NDST4: variants seen among roughly 807,000 people sequenced by gnomAD.
NDST4 encodes N-heparan sulfate sulfotransferase 4.
In NDST4, 63 loss-of-function variants were observed where a neutral mutation model predicts 100.8. That is an observed-to-expected ratio of 0.62 (90% CI 0.51 to 0.77). The LOEUF (loss-of-function observed/expected upper bound fraction) is 0.77. NDST4 is among the 30% of genes least tolerant of loss of function. The pLI, the probability that NDST4 is intolerant of heterozygous loss-of-function variation, is 0.00. For synonymous variants in NDST4, 377 were observed against 361.8 expected, an observed-to-expected ratio of 1.04 and a Z score of -0.48; for missense variants, 943 against 1,018.4, an observed-to-expected ratio of 0.93 and a Z score of 1.01.
intron 6 of NDST4, among the ~76,000 whole-genome samples, chr4:114,890,077 A>T (rs1055035049): frequency 5.3e-5 from 8 of 152,104 alleles, no homozygotes; most frequent in Non-Finnish European, 1.0e-4. Context: ...AGGTATTTTC[A>T]TTATTTTAAT....
At chr4:115,082,238 T>G (rs960729183) in intron 1 of NDST4, among the ~76,000 whole-genome samples, 1 of 152,212 alleles carries the variant, frequency 6.6e-6, no homozygotes, top group South Asian at 2.1e-4. Flanking sequence ...GAAAATATTA[T>G]ATGATGATAT....
At chr4:114,980,661 T>C (rs1726746801) in intron 2 of NDST4, among the ~76,000 whole-genome samples, 1 of 149,732 alleles carries the variant, frequency 6.7e-6, no homozygotes, top group African/African-American at 2.5e-5. Context: ...AATAAAGAAA[T>C]AAATAAAATA....
intron 1 of NDST4, among the ~76,000 whole-genome samples, chr4:115,078,832 T>C (rs1729243557): frequency 6.6e-6 from 1 of 151,586 alleles, no homozygotes; most frequent in Admixed American, 6.6e-5. Context: ...AGAGCAAAAC[T>C]CTCTTCCGCC....
chr4:114,906,861 T>G (rs890273367), intron 6 of NDST4, among the ~76,000 whole-genome samples: 1 of 152,082 alleles, frequency 6.6e-6, no homozygotes, highest in African/African-American at 2.4e-5. Flanking sequence ...TTTTTCACAA[T>G]TAAGCCTGTT....
intron 6 of NDST4, among the ~76,000 whole-genome samples, chr4:114,879,391 T>C (rs889070157): frequency 1.3e-5 from 2 of 152,122 alleles, no homozygotes; most frequent in East Asian, 1.9e-4. Flanking sequence ...ATTAGTAGAT[T>C]TGAGAAGCAG....
intron 6 of NDST4, among the ~76,000 whole-genome samples, chr4:114,902,987 G>T (rs1724877833): frequency 1.3e-5 from 2 of 151,902 alleles, no homozygotes; most frequent in South Asian, 2.1e-4. Flanking sequence ...ATATGTTCTT[G>T]CTTGCTGCCT....
intron 4 of NDST4, among the ~76,000 whole-genome samples, chr4:114,947,728 G>T (rs1395920153): frequency 1.3e-5 from 2 of 149,808 alleles, no homozygotes; most frequent in East Asian, 3.9e-4. Context: ...TTCACATTAT[G>T]ATTTTCTATA....
chr4:114,963,307 T>C (rs1292564870), intron 4 of NDST4, among the ~76,000 whole-genome samples: 1 of 152,144 alleles, frequency 6.6e-6, no homozygotes, highest in African/African-American at 2.4e-5. Flanking sequence ...AAAAACATTA[T>C]GCTAAGTGAA....
intron 1 of NDST4, among the ~76,000 whole-genome samples, chr4:115,094,416 C>T (rs1004313293): frequency 2.6e-5 from 4 of 151,886 alleles, no homozygotes; most frequent in Non-Finnish European, 4.4e-5. Flanking sequence ...ATAAGACTAA[C>T]ATAATGTTGA....
At chr4:114,885,951 C>A (rs1724468267) in intron 6 of NDST4, among the ~76,000 whole-genome samples, 1 of 151,868 alleles carries the variant, frequency 6.6e-6, no homozygotes, top group Admixed American at 6.6e-5. Context: ...CAGGTAAAGC[C>A]TATGAATTAA....
chr4:115,020,476 C>G (rs1347281480), intron 2 of NDST4, among the ~76,000 whole-genome samples: 1 of 152,054 alleles, frequency 6.6e-6, no homozygotes, highest in Non-Finnish European at 1.5e-5. Flanking sequence ...AGGAAAAACC[C>G]TTTTAGATAT....
intron 3 of NDST4, among the ~76,000 whole-genome samples, chr4:114,973,295 T>C (rs1726555420): frequency 6.6e-6 from 1 of 151,920 alleles, no homozygotes; most frequent in African/African-American, 2.4e-5. Flanking sequence ...ATACTTAAAG[T>C]ATATGTGGAA....
chr4:114,986,832 A>ATT lies in NDST4; in HGVS notation c.979-9560_979-9559dup, dbSNP rs58065684. On this transcript the variant is annotated intron_variant, in intron 2 of 13. Coordinates refer to ENST00000264363, the MANE Select transcript of NDST4 (RefSeq NM_022569.3). The stretch of plus-strand genomic sequence containing the variant: ...TATATATATATATATATATATATAT[A>ATT]TTTTAATATACTATTCCTATAAGCT... Among the ~76,000 whole-genome samples the ATT allele has an allele frequency of 1.0e-3, 97 of 94,652 alleles. 6 individuals are homozygous for ATT. The highest frequency in any genetic ancestry group is 8.1e-3 in the South Asian group (19 of 2,334). The allele number at this position is 94,652 out of a possible 152,430, so 62.1% of individuals were successfully genotyped here.
intron 2 of NDST4, among the ~76,000 whole-genome samples, chr4:115,002,072 T>C (rs901472553): frequency 6.6e-6 from 1 of 152,102 alleles, no homozygotes; most frequent in African/African-American, 2.4e-5. Context: ...AAAGGAGTAA[T>C]ATAAAATGGG....
intron 7 of NDST4, among the ~76,000 whole-genome samples, chr4:114,857,536 C>A (rs1251152185): frequency 6.6e-6 from 1 of 152,160 alleles, no homozygotes; most frequent in Non-Finnish European, 1.5e-5. Flanking sequence ...CTATAACCTG[C>A]TGACAAAGAG....
rs114215193 is a variant in NDST4 at position 114,854,434 on chromosome 4, A to T, written c.1720-1613T>A. On this transcript the variant is annotated intron_variant, in intron 7 of 13. Coordinates refer to ENST00000264363, the MANE Select transcript of NDST4 (RefSeq NM_022569.3). ...GCTATTGTGAATAGTGCTGAAATAAATGTGGGAGTGCAGGTATCTCTTCAA... is the reference window on the plus strand; with the variant it reads ...GCTATTGTGAATAGTGCTGAAATAATTGTGGGAGTGCAGGTATCTCTTCAA... 8.4e-4 allele frequency among the ~76,000 whole-genome samples: 128 copies of T among 152,312 alleles called. 1 individual carries two copies. The highest frequency in any genetic ancestry group is 6.8e-3 in the Middle Eastern group (2 of 294).
intron 2 of NDST4, among the ~76,000 whole-genome samples, chr4:115,068,521 A>C (rs1229055500): frequency 2.6e-5 from 4 of 152,014 alleles, no homozygotes; most frequent in Non-Finnish European, 5.9e-5. Flanking sequence ...AAAGTAAATC[A>C]GTTCTGGCTG....
intron 2 of NDST4, among the ~76,000 whole-genome samples, chr4:115,025,412 G>A (rs1205554304): frequency 6.6e-6 from 1 of 152,108 alleles, no homozygotes; most frequent in Non-Finnish European, 1.5e-5. Context: ...CTTCACTTAG[G>A]TAATGATATA....
intron 2 of NDST4, among the ~76,000 whole-genome samples, chr4:115,069,597 A>G (rs139432656): frequency 0.012 from 1,842 of 152,292 alleles, 36 homozygotes; most frequent in African/African-American, 0.042. Context: ...CAAAACCACA[A>G]TGAGATATCA....
Sources: gnomAD v4.1 joint callset for allele counts (sites outside exome capture counted in the v4.1 genomes callset) on GRCh38, gnomAD v4.1.1 for gene constraint, MANE v1.5 for transcripts, NCBI Gene and HGNC (gene_info 2026-07-23, HGNC 2026-07-21) for gene names.